TNIP3: variants seen among roughly 807,000 people sequenced by gnomAD.
The protein encoded by TNIP3 is TNFAIP3-interacting protein 3.
Under a neutral mutation model 54.1 loss-of-function variants are expected in TNIP3, and 34 were observed. The ratio of observed to expected loss-of-function variants is 0.63; its 90% CI spans 0.48 to 0.84. The LOEUF is 0.84. TNIP3 is among the 40% of genes least tolerant of loss of function. TNIP3 has a pLI of 0.00. For missense variants in TNIP3, 366 were observed against 387.6 expected, an observed-to-expected ratio of 0.94 and a Z score of 0.47; for synonymous variants, 134 against 136.8, an observed-to-expected ratio of 0.98 and a Z score of 0.14.
At chr4:121,152,547 T>C (rs1032529237) in intron 5 of TNIP3, among the ~76,000 whole-genome samples, 4 of 152,158 alleles carry the variant, frequency 2.6e-5, no homozygotes, top group African/African-American at 9.7e-5. Flanking sequence ...TATTATATAC[T>C]AGCTAATTAA....
chr4:121,207,291 G>T (rs1726242481), intron 2 of TNIP3, among the ~76,000 whole-genome samples: 1 of 152,072 alleles, frequency 6.6e-6, no homozygotes, highest in East Asian at 1.9e-4. Flanking sequence ...GCATAAAATA[G>T]ACATTAAGCA....
chr4:121,157,037 C>G, intron 4 of TNIP3, 57 bp downstream of exon 4: 1 of 1,605,474 alleles, frequency 6.2e-7, no homozygotes, highest in Admixed American at 1.7e-5. Flanking sequence ...AGGAAATCCC[C>G]CCGCCCCTTT....
At chr4:121,218,245 A>C (rs114485290), upstream of TNIP3, among the ~76,000 whole-genome samples, 868 of 152,318 alleles carry the variant, frequency 5.7e-3, 8 homozygotes, top group African/African-American at 0.02. Flanking sequence ...CACCCCAAAA[A>C]TGGCATGTGC....
chr4:121,221,579 T>A (rs537470381), upstream of TNIP3, among the ~76,000 whole-genome samples: 3 of 152,216 alleles, frequency 2.0e-5, no homozygotes, highest in Non-Finnish European at 4.4e-5. Flanking sequence ...AAGATTCCTA[T>A]ACCCAACAGG....
intron 2 of TNIP3, among the ~76,000 whole-genome samples, chr4:121,188,193 C>T (rs915920581): frequency 2.6e-5 from 4 of 152,004 alleles, no homozygotes; most frequent in Non-Finnish European, 5.9e-5. Flanking sequence ...AATCTCCTTC[C>T]TTCCTGCCCT....
chr4:121,214,872 A>G (rs1726696332), intron 2 of TNIP3, among the ~76,000 whole-genome samples: 1 of 152,186 alleles, frequency 6.6e-6, no homozygotes, highest in South Asian at 2.1e-4. Context: ...ACAGTCTTTG[A>G]GGGGAGTATT....
rs1430966730 is a variant in TNIP3 at position 121,149,976 on chromosome 4, T to C, written c.609+127A>G. The C allele has an allele frequency of 7.9e-6, 5 of 632,432 alleles. No homozygotes were observed. In the Admixed American group the frequency reaches 1.3e-4, roughly 17 times the overall value. The allele number at this position is 632,432 out of a possible 1,614,324, so 39.2% of individuals were successfully genotyped here. A position where few individuals can be genotyped will look rare whatever the true frequency, so the allele number is the denominator to read the frequency against. The stretch of plus-strand genomic sequence containing the variant: ...TCTATCAAGCTTGAAAATTAGATAA[T>C]TCTACTTAAAATAAATGCAAAAACC... On this transcript the variant is annotated intron_variant, in intron 6 of 10. Coordinates refer to ENST00000057513, the MANE Select transcript of TNIP3 (RefSeq NM_024873.6).
chr4:121,198,423 TC>T (rs936076619), intron 2 of TNIP3, among the ~76,000 whole-genome samples: 40 of 152,328 alleles, frequency 2.6e-4, no homozygotes, highest in African/African-American at 9.6e-4. Flanking sequence ...GAAATCATTC[TC>T]ACAGAGCTAC....
chr4:121,138,719 T>G (rs1250928898), intron 9 of TNIP3, 35 bp from the exon 10 acceptor site: 1 of 1,580,332 alleles, frequency 6.3e-7, no homozygotes, highest in East Asian at 2.2e-5. Context: ...TATAGCAATA[T>G]GGACTTCAAA....
intron 7 of TNIP3, among the ~76,000 whole-genome samples, chr4:121,145,969 C>T (rs1729405888): frequency 6.7e-6 from 1 of 149,802 alleles, no homozygotes; most frequent in African/African-American, 2.4e-5. Flanking sequence ...AAGAGCAAAA[C>T]ACCATCTCAT....
chr4:121,143,494 T>C (rs1729247632), intron 7 of TNIP3, among the ~76,000 whole-genome samples: 1 of 152,260 alleles, frequency 6.6e-6, no homozygotes, highest in Admixed American at 6.5e-5. Flanking sequence ...GTCCCACTTA[T>C]CAGAATTATT....
chr4:121,187,841 G>A (rs1725103026), intron 2 of TNIP3, among the ~76,000 whole-genome samples: 1 of 152,076 alleles, frequency 6.6e-6, no homozygotes, highest in South Asian at 2.1e-4. Flanking sequence ...ACAAGTTCTG[G>A]ACCTCTCAAA....
intron 2 of TNIP3, among the ~76,000 whole-genome samples, chr4:121,189,190 T>C (rs891819398): frequency 6.6e-6 from 1 of 152,212 alleles, no homozygotes; most frequent in Non-Finnish European, 1.5e-5. Flanking sequence ...AGGATGTTAG[T>C]GTTCTTTCTT....
At chr4:121,135,294 C>A (rs1029970634) in intron 10 of TNIP3, among the ~76,000 whole-genome samples, 2 of 152,154 alleles carry the variant, frequency 1.3e-5, no homozygotes, top group African/African-American at 2.4e-5. Context: ...TTGCTCCAGG[C>A]CCCAGAAATG....
chr4:121,178,868 A>G (rs1724517383), intron 3 of TNIP3, among the ~76,000 whole-genome samples: 1 of 152,212 alleles, frequency 6.6e-6, no homozygotes, highest in Non-Finnish European at 1.5e-5. Context: ...CATCCTCAAG[A>G]AATCCATGAG....
In TNIP3 at chr4:121,132,589, G is replaced by A. The variant is rs767626717; in HGVS notation, c.*42C>T. On this transcript the variant is annotated 3_prime_UTR_variant, in exon 11 of 11. Transcript: ENST00000057513. ...AACAAAGAAGAGGGTCCTCAGCCAC[G>A]CTCCCTCGTTGCCTGTTGTCTCTCT... 4 of 1,597,778 alleles carry A rather than the reference G, an allele frequency of 2.5e-6. No homozygotes were observed. The highest frequency in any genetic ancestry group is 3.4e-6 in the Non-Finnish European group (4 of 1,165,734).
chr4:121,161,121 A>G lies in TNIP3; in HGVS notation c.147+15T>C. The G allele has an allele frequency of 6.4e-7, 1 of 1,556,912 alleles. No homozygotes were observed. Among genetic ancestry groups the G allele is most frequent in the Non-Finnish European group, 8.8e-7 (1 of 1,142,522 alleles). On this transcript the variant is annotated intron_variant, in intron 2 of 10. Transcript: ENST00000057513. ...TCCATGGCACCTGTGGCTTTAGCGA[A>G]TATTTCTAAGTTACCTCTTTTCTTT...
intron 1 of TNIP3, among the ~76,000 whole-genome samples, chr4:121,225,243 T>C (rs1727207367): frequency 6.6e-6 from 1 of 152,326 alleles, no homozygotes; most frequent in African/African-American, 2.4e-5. Context: ...CAAGGTTTTT[T>C]ACATACTTAG....
chr4:121,168,891 CTG>C (rs1262921856), upstream of TNIP3, among the ~76,000 whole-genome samples: 15 of 152,192 alleles, frequency 9.9e-5, no homozygotes, highest in Admixed American at 9.8e-4. Flanking sequence ...TGATCTCTGA[CTG>C]TGTGTCAAAC....
Sources: allele counts gnomAD v4.1 joint callset (sites outside exome capture counted in the v4.1 genomes callset), GRCh38; gene constraint gnomAD v4.1.1; transcripts MANE v1.5; gene names NCBI Gene and HGNC (gene_info 2026-07-23, HGNC 2026-07-21).